Variants in CSMD1 observed in about 807,000 individuals in gnomAD.
CSMD1 encodes CUB and Sushi multiple domains 1, also known as CUB and sushi domain-containing protein 1.
A neutral mutation model predicts 417.5 loss-of-function variants in CSMD1; 213 were observed. The ratio of observed to expected loss-of-function variants is 0.51; its 90% CI spans 0.46 to 0.57. The LOEUF (loss-of-function observed/expected upper bound fraction) is 0.57, where lower values mean the gene tolerates loss of function less well. Ranked by LOEUF, CSMD1 falls within the 20% of genes least tolerant of loss-of-function variation. The pLI is 0.00. For synonymous variants in CSMD1, 2,862 were observed against 1,736.8 expected (o/e 1.65, Z -16.11); for missense variants, 6,923 against 4,529.7 (o/e 1.53, Z -15.17).
chr8:3,501,924 T>A (rs1796616637), intron 10 of CSMD1, among the ~76,000 whole-genome samples: 1 of 152,078 alleles, frequency 6.6e-6, no homozygotes, highest in African/African-American at 2.4e-5. Flanking sequence ...TGGATAAATA[T>A]ACGTTTAAAT....
At chr8:3,723,829 G>C (rs138083215) in intron 6 of CSMD1, among the ~76,000 whole-genome samples, 1 of 152,190 alleles carries the variant, frequency 6.6e-6, no homozygotes, top group African/African-American at 2.4e-5. Flanking sequence ...ACCAAATCAC[G>C]GATGAGTAAA....
chr8:3,261,098 A>C (rs1228327110), intron 26 of CSMD1, among the ~76,000 whole-genome samples: 1 of 152,230 alleles, frequency 6.6e-6, no homozygotes, highest in Non-Finnish European at 1.5e-5. Context: ...CCATTAAGCA[A>C]ATAAATGCAG....
At chr8:3,611,849 G>A (rs1380671136) in intron 8 of CSMD1, among the ~76,000 whole-genome samples, 1 of 151,924 alleles carries the variant, frequency 6.6e-6, no homozygotes, top group Non-Finnish European at 1.5e-5. Flanking sequence ...ATTAATTTAG[G>A]ACAGAAGTTC....
At chr8:3,600,097 C>A (rs187455223) in intron 8 of CSMD1, among the ~76,000 whole-genome samples, 2 of 152,264 alleles carry the variant, frequency 1.3e-5, no homozygotes, top group Admixed American at 1.3e-4. Flanking sequence ...AAAAGTCTAG[C>A]AGGTAAAGAG....
intron 63 of CSMD1, 23 bp from the exon 64 acceptor site, chr8:2,955,791 T>G: frequency 6.2e-7 from 1 of 1,605,976 alleles, no homozygotes; most frequent in Non-Finnish European, 8.5e-7. Context: ...TAGGAAACAT[T>G]GAGACTTTGT....
At chr8:4,404,438 A>G (rs956652129) in intron 3 of CSMD1, among the ~76,000 whole-genome samples, 2 of 152,204 alleles carry the variant, frequency 1.3e-5, no homozygotes, top group Non-Finnish European at 2.9e-5. Flanking sequence ...ATATTTGTCA[A>G]GCAACGAAAG....
chr8:3,547,040 C>G (rs1798696914), intron 10 of CSMD1, among the ~76,000 whole-genome samples: 1 of 152,202 alleles, frequency 6.6e-6, no homozygotes, highest in Non-Finnish European at 1.5e-5. Flanking sequence ...AGGGCCCCTT[C>G]TCTGAATCTG....
At chr8:4,158,405 T>G (rs924698362) in intron 3 of CSMD1, among the ~76,000 whole-genome samples, 2 of 151,948 alleles carry the variant, frequency 1.3e-5, no homozygotes, top group Non-Finnish European at 2.9e-5. Context: ...TCATCACTAT[T>G]GCAAAAGGAT....
chr8:3,693,619 A>G (rs1800375298), intron 7 of CSMD1, among the ~76,000 whole-genome samples: 1 of 152,230 alleles, frequency 6.6e-6, no homozygotes, highest in Admixed American at 6.5e-5. Flanking sequence ...GAGAGAGACA[A>G]TAAACAAAAT....
chr8:4,276,443 G>C (rs1796492559), intron 3 of CSMD1, among the ~76,000 whole-genome samples: 1 of 152,102 alleles, frequency 6.6e-6, no homozygotes, highest in East Asian at 1.9e-4. Flanking sequence ...ATGGACGCTT[G>C]GAGGGGAACA....
At chr8:3,847,705 G>C (rs1007331637) in intron 5 of CSMD1, among the ~76,000 whole-genome samples, 5 of 152,030 alleles carry the variant, frequency 3.3e-5, no homozygotes, top group African/African-American at 7.2e-5. Context: ...AACTAATACA[G>C]AATGCTTCCT....
chr8:3,490,459 ATT>A (rs953031411), intron 11 of CSMD1, among the ~76,000 whole-genome samples: 1 of 152,172 alleles, frequency 6.6e-6, no homozygotes, highest in Non-Finnish European at 1.5e-5. Context: ...TTTTGCAGTT[ATT>A]TAACAATTTT....
chr8:3,210,434 G>A (rs1426833773), intron 30 of CSMD1, among the ~76,000 whole-genome samples: 1 of 149,340 alleles, frequency 6.7e-6, no homozygotes, highest in South Asian at 2.1e-4. Context: ...TATATATATA[G>A]GAATATACAT....
Position 4,645,444 on chromosome 8 carries a change from CAAAAAAAAAA to C in CSMD1, c.86-7896_86-7887del, listed in dbSNP as rs549511320. On this transcript the variant is annotated intron_variant, in intron 1 of 69. Coordinates refer to ENST00000635120, the MANE Select transcript of CSMD1 (RefSeq NM_033225.6). ...CAAGACAGCAGGTGTAGTGCAGGGG[CAAAAAAAAAA>C]AAAAAAAAAAAAAGGCAAGCAAAGC... Among the ~76,000 whole-genome samples, 46 of 36,858 alleles carry C rather than the reference CAAAAAAAAAA, an allele frequency of 1.2e-3. 2 individuals carry two copies. In the South Asian group the frequency reaches 0.057, roughly 46 times the overall value. The allele number at this position is 36,858 out of a possible 152,430, so 24.2% of individuals were successfully genotyped here.
intron 7 of CSMD1, among the ~76,000 whole-genome samples, chr8:3,637,364 A>G (rs559782896): frequency 5.9e-5 from 9 of 152,300 alleles, no homozygotes; most frequent in Admixed American, 1.3e-4. Context: ...AGTTTGGGCA[A>G]CATAAAGACC....
intron 1 of CSMD1, among the ~76,000 whole-genome samples, chr8:4,832,521 G>C (rs1800214575): frequency 6.6e-6 from 1 of 152,158 alleles, no homozygotes; most frequent in Non-Finnish European, 1.5e-5. Flanking sequence ...AACTGTGTGA[G>C]CTAAAACATG....
At chr8:3,018,707 C>T in intron 51 of CSMD1, 57 bp from the exon 52 acceptor site, 2 of 1,465,680 alleles carry the variant, frequency 1.4e-6, no homozygotes, top group Non-Finnish European at 9.3e-7. Flanking sequence ...TACTCCTGTG[C>T]TCCAAACAAA....
intron 3 of CSMD1, among the ~76,000 whole-genome samples, chr8:4,143,567 G>C (rs1193431678): frequency 6.6e-6 from 1 of 150,906 alleles, no homozygotes; most frequent in Non-Finnish European, 1.5e-5. Flanking sequence ...GCTTAGATAT[G>C]ACCCACAGTT....
chr8:4,949,710 AT>A (rs1439518315), intron 1 of CSMD1, among the ~76,000 whole-genome samples: 1 of 152,210 alleles, frequency 6.6e-6, no homozygotes, highest in Non-Finnish European at 1.5e-5. Context: ...TAATGGGATC[AT>A]TTGGGTTACA....
Sources: gnomAD v4.1 joint callset for allele counts (sites outside exome capture counted in the v4.1 genomes callset) on GRCh38, gnomAD v4.1.1 for gene constraint, MANE v1.5 for transcripts, NCBI Gene and HGNC (gene_info 2026-07-23, HGNC 2026-07-21) for gene names.